Variants in LNPEP observed in about 807,000 individuals in gnomAD.
LNPEP encodes the protein leucyl-cystinyl aminopeptidase.
A neutral mutation model predicts 120.6 loss-of-function variants in LNPEP; 64 were observed. The observed-to-expected ratio is 0.53, with a 90% CI of 0.43 to 0.65. LNPEP has a LOEUF of 0.65. LNPEP is among the 30% of genes least tolerant of loss of function. The probability of loss-of-function intolerance (pLI) is 0.00; values close to 1 mark genes in which losing one functional copy is unlikely to be tolerated. For missense variants in LNPEP, 1,057 were observed against 1,200.0 expected, an observed-to-expected ratio of 0.88 and a Z score of 1.76; for synonymous variants, 435 against 425.4, an observed-to-expected ratio of 1.02 and a Z score of -0.28.
chr5:96,964,797 T>C (rs1436213142), intron 1 of LNPEP, among the ~76,000 whole-genome samples: 1 of 152,202 alleles, frequency 6.6e-6, no homozygotes, highest in Non-Finnish European at 1.5e-5. Flanking sequence ...GAATTCATTA[T>C]GTTTGAGATC....
At chr5:96,982,182 C>G (rs1318710404) in intron 2 of LNPEP, among the ~76,000 whole-genome samples, 1 of 152,108 alleles carries the variant, frequency 6.6e-6, no homozygotes, top group Non-Finnish European at 1.5e-5. Flanking sequence ...AACTCAAACT[C>G]AAGGTCATTT....
At chr5:97,010,605 G>A in intron 11 of LNPEP, 5 of 985,114 alleles carry the variant, frequency 5.1e-6, no homozygotes, top group Non-Finnish European at 6.0e-6. Flanking sequence ...TAGTTTTTTT[G>A]TAAAACAGTA....
At chr5:96,958,194 A>G (rs1789514229) in intron 1 of LNPEP, among the ~76,000 whole-genome samples, 1 of 152,226 alleles carries the variant, frequency 6.6e-6, no homozygotes, top group Non-Finnish European at 1.5e-5. Context: ...CCTATTATAA[A>G]GTGAAATGAA....
At chr5:96,989,364 AT>A (rs1303906571) in intron 4 of LNPEP, among the ~76,000 whole-genome samples, 7 of 25,808 alleles carry the variant, frequency 2.7e-4, no homozygotes, top group African/African-American at 1.0e-3. Context: ...TATATTATAT[AT>A]AATTATATAT....
chr5:96,954,772 ATTTTTTTTT>A (rs1160402498), intron 1 of LNPEP, among the ~76,000 whole-genome samples: 9 of 27,110 alleles, frequency 3.3e-4, no homozygotes, highest in Admixed American at 5.1e-4. Context: ...ATATATATAT[ATTTTTTTTT>A]TTTTTTTTTT....
At chr5:96,940,723 A>G (rs1263689575) in intron 1 of LNPEP, among the ~76,000 whole-genome samples, 1 of 152,172 alleles carries the variant, frequency 6.6e-6, no homozygotes, top group Non-Finnish European at 1.5e-5. Flanking sequence ...TGAGATTTGA[A>G]AGAGTTTAGC....
Position 97,006,496 on chromosome 5 carries a change from A to G in LNPEP, c.2016A>G (p.Ser672=), listed in dbSNP as rs773507836. The change falls in exon 11 of 18, where the codon TCA becomes TCG. Residue 672 remains serine, a synonymous_variant. Transcript: ENST00000231368. The part of the protein sequence containing the change: ...GRNYSKYQSV[S]LLDKKSGVIN... ...ATTATTCAAAATATCAATCGGTATC[A>G]TTACTGGATAAGAAATCAGGTTTGA... 6.5e-7 allele frequency: 1 copy of G among 1,543,342 alleles called. No homozygotes were observed. Among genetic ancestry groups the G allele is most frequent in the Non-Finnish European group, 9.0e-7 (1 of 1,116,518 alleles).
At position 97,034,256 on chromosome 5, in the gene LNPEP, C is replaced by G. The variant is rs141559250; in HGVS notation, c.*5723C>G. 6.6e-6 allele frequency: 1 copy of G among 152,008 alleles called. No homozygotes were observed. The highest frequency in any genetic ancestry group is 1.9e-4 in the East Asian group (1 of 5,194). The allele number at this position is 152,008 out of a possible 1,614,324, so 9.4% of individuals were successfully genotyped here. On this transcript the variant is annotated 3_prime_UTR_variant, in exon 18 of 18. Coordinates refer to ENST00000231368, the MANE Select transcript of LNPEP (RefSeq NM_005575.3). ...TTCTTGCTCCTTTTTCCTGTTACTT[C>G]ATTGTGTGCCAAGGCCTTTCCATGG...
intron 1 of LNPEP, among the ~76,000 whole-genome samples, chr5:96,953,744 T>C (rs887360957): frequency 2.2e-4 from 34 of 152,238 alleles, no homozygotes; most frequent in Admixed American, 1.6e-3. Flanking sequence ...TCTTTTTCAA[T>C]TAAAATATTA....
chr5:96,937,180 T>C (rs1215551341), intron 1 of LNPEP: 1 of 152,234 alleles, frequency 6.6e-6, no homozygotes, highest in Non-Finnish European at 1.5e-5. Context: ...ATCACATTAA[T>C]AGGGGCCACA....
chr5:96,960,356 A>T (rs1211333136), intron 1 of LNPEP, among the ~76,000 whole-genome samples: 6 of 152,244 alleles, frequency 3.9e-5, no homozygotes, highest in African/African-American at 1.4e-4. Flanking sequence ...AGTTACGCTA[A>T]CAAGTCCACT....
Position 96,954,743 on chromosome 5 carries a change from TATACAC to T in LNPEP, c.19+18573_19+18578del, listed in dbSNP as rs1444995223. 5.1e-4 allele frequency among the ~76,000 whole-genome samples: 41 copies of T among 80,622 alleles called. 1 individual carries two copies. The highest frequency in any genetic ancestry group is 1.7e-3 in the African/African-American group (36 of 20,718). The allele number at this position is 80,622 out of a possible 152,430, so 52.9% of individuals were successfully genotyped here. ...ATATACATATATATATACATATATA[TATACAC>T]ATATATATATATATATATATATATT... is the stretch of plus-strand genomic sequence containing the variant. On this transcript the variant is annotated intron_variant, in intron 1 of 17. Coordinates refer to ENST00000231368, the MANE Select transcript of LNPEP (RefSeq NM_005575.3).
chr5:96,979,020 C>G (rs1790062154), intron 1 of LNPEP, 118 bp from the exon 2 acceptor site: 1 of 1,139,058 alleles, frequency 8.8e-7, no homozygotes, highest in South Asian at 1.6e-5. Flanking sequence ...GGAAATAAGT[C>G]TTAGTGACTT....
At chr5:97,000,527 T>C (rs1360296410) in intron 8 of LNPEP, among the ~76,000 whole-genome samples, 2 of 152,166 alleles carry the variant, frequency 1.3e-5, no homozygotes, top group African/African-American at 2.4e-5. Context: ...GTCTGGAGTT[T>C]TGGTATGTGC....
chr5:97,026,883 T>A, intron 16 of LNPEP, 126 bp downstream of exon 16: 1 of 714,922 alleles, frequency 1.4e-6, no homozygotes, highest in Non-Finnish European at 2.3e-6. Flanking sequence ...CATGACAGTT[T>A]AACTGAAACA....
At position 96,947,202 on chromosome 5, in the gene LNPEP, G is replaced by T. The variant is rs868649799; in HGVS notation, c.19+11028G>T. 1.9e-4 allele frequency among the ~76,000 whole-genome samples: 29 copies of T among 152,084 alleles called. No homozygotes were observed. In the South Asian group the frequency reaches 2.7e-3, roughly 14 times the overall value. ...ACTTTATATTGCTAAATCTAACAGG[G>T]GCCCTAAGCATTGTTAAAGACTGGC... On this transcript the variant is annotated intron_variant, in intron 1 of 17. Transcript: ENST00000231368.
rs1791557981 is a variant in LNPEP, at chr5:97,035,550, C to T, written c.*7017C>T. 6.6e-6 allele frequency: 1 copy of T among 152,118 alleles called. No homozygotes were observed. Among genetic ancestry groups the T allele is most frequent in the South Asian group, 2.1e-4 (1 of 4,836 alleles). 9.4% of individuals were successfully genotyped at this position (152,118 alleles called of 1,614,324 possible). On this transcript the variant is annotated 3_prime_UTR_variant, in exon 18 of 18. Coordinates refer to ENST00000231368, the MANE Select transcript of LNPEP (RefSeq NM_005575.3). Reference sequence around the variant, plus strand: ...ATAATATGACAGCTCACTTCTTTTCCTACATATTTCCTCACTTAGCAGTAG... The same window carrying T: ...ATAATATGACAGCTCACTTCTTTTCTTACATATTTCCTCACTTAGCAGTAG...
chr5:96,999,553 A>G (rs973486630), intron 8 of LNPEP, among the ~76,000 whole-genome samples: 1 of 152,186 alleles, frequency 6.6e-6, no homozygotes, highest in Non-Finnish European at 1.5e-5. Context: ...GGACCTGTCA[A>G]TAAAGAAAAT....
chr5:96,996,512 A>G lies in LNPEP; in HGVS notation c.1521+9A>G. 7.0e-7 allele frequency: 1 copy of G among 1,426,088 alleles called. No individual in the cohort carries two copies. Among genetic ancestry groups the G allele is most frequent in the Non-Finnish European group, 9.9e-7 (1 of 1,010,566 alleles). 88.3% of individuals were successfully genotyped at this position (1,426,088 alleles called of 1,614,324 possible). Reference sequence around the variant, plus strand: ...TCAAAGAGCTTTCTAGTGTAAGTACAGGGTTTCTTTGGCCTACTATGAATG... The same window carrying G: ...TCAAAGAGCTTTCTAGTGTAAGTACGGGGTTTCTTTGGCCTACTATGAATG... On this transcript the variant is annotated intron_variant, in intron 7 of 17. Coordinates refer to ENST00000231368, the MANE Select transcript of LNPEP (RefSeq NM_005575.3).
Sources: allele counts gnomAD v4.1 joint callset (sites outside exome capture counted in the v4.1 genomes callset), GRCh38; gene constraint gnomAD v4.1.1; transcripts MANE v1.5; gene names NCBI Gene and HGNC (gene_info 2026-07-23, HGNC 2026-07-21).